Variants in ARHGAP32 observed in about 807,000 individuals in gnomAD.
The protein encoded by ARHGAP32 is rho GTPase-activating protein 32.
Under a neutral mutation model 186.5 loss-of-function variants are expected in ARHGAP32, and 51 were observed. That is an observed-to-expected ratio of 0.27 (90% confidence interval 0.22 to 0.35). The LOEUF is 0.35. Ranked by LOEUF, ARHGAP32 falls within the 10% of genes least tolerant of loss-of-function variation. ARHGAP32 has a pLI of 1.00. For missense variants in ARHGAP32, 2,186 were observed against 2,623.5 expected, an observed-to-expected ratio of 0.83 and a Z score of 3.64; for synonymous variants, 950 against 964.3, an observed-to-expected ratio of 0.99 and a Z score of 0.27.
rs184917970 is a variant in ARHGAP32, at chr11:129,098,285, T to C, written c.445-4578A>G. Among the ~76,000 whole-genome samples, 7 of 152,316 alleles carry C rather than the reference T, an allele frequency of 4.6e-5. No individual in the cohort carries two copies. In the East Asian group the frequency reaches 1.3e-3, roughly 29 times the overall value. On this transcript the variant is annotated intron_variant, in intron 5 of 22. Transcript: ENST00000682385. ...TAAGAACTCAATAAAGGTAAATATA[T>C]GGGCAATTATAAAAGCCTGTATTAC...
At chr11:129,113,123 C>G (rs1047751475) in intron 5 of ARHGAP32, among the ~76,000 whole-genome samples, 4 of 152,130 alleles carry the variant, frequency 2.6e-5, no homozygotes, top group African/African-American at 9.7e-5. Flanking sequence ...TCACTAGTAG[C>G]ATTTTGTATG....
At chr11:129,228,659 A>G (rs1197288784) in intron 1 of ARHGAP32, among the ~76,000 whole-genome samples, 1 of 152,150 alleles carries the variant, frequency 6.6e-6, no homozygotes, top group Admixed American at 6.6e-5. Context: ...CTGAATGATG[A>G]CAACACATGG....
chr11:129,261,928 T>C (rs1945325428), intron 1 of ARHGAP32, among the ~76,000 whole-genome samples: 1 of 152,212 alleles, frequency 6.6e-6, no homozygotes, highest in South Asian at 2.1e-4. Context: ...CAAGTTCTGA[T>C]GATTTTTACA....
intron 1 of ARHGAP32, among the ~76,000 whole-genome samples, chr11:129,260,080 T>C (rs1945302825): frequency 6.6e-6 from 1 of 152,172 alleles, no homozygotes; most frequent in Non-Finnish European, 1.5e-5. Flanking sequence ...TTTGTCTCCA[T>C]TCCTTCAATG....
At position 129,191,545 on chromosome 11, in the gene ARHGAP32, G is replaced by T. The variant is rs561333481; in HGVS notation, c.116+538C>A. Among the ~76,000 whole-genome samples the T allele has an allele frequency of 4.5e-4, 68 of 152,012 alleles. 2 individuals carry two copies. In the South Asian group the frequency reaches 0.014, roughly 31 times the overall value. On this transcript the variant is annotated intron_variant, in intron 1 of 22. Transcript: ENST00000682385. Reference sequence around the variant, plus strand: ...AAACCAAGAGAGATTTGGGGGAAAGGGGGCATGAGATACAAGATCAGAGAC... The same window carrying T: ...AAACCAAGAGAGATTTGGGGGAAAGTGGGCATGAGATACAAGATCAGAGAC...
intron 10 of ARHGAP32, among the ~76,000 whole-genome samples, chr11:129,050,841 T>C (rs1347429370): frequency 3.3e-5 from 5 of 152,174 alleles, no homozygotes; most frequent in African/African-American, 9.7e-5. Flanking sequence ...CATCCCTGTG[T>C]CCATGTGTTC....
intron 11 of ARHGAP32, among the ~76,000 whole-genome samples, chr11:129,013,784 C>T (rs1356063812): frequency 2.0e-5 from 3 of 152,186 alleles, no homozygotes; most frequent in Non-Finnish European, 2.9e-5. Flanking sequence ...GGGACACAAG[C>T]ACTGATCCCC....
intron 5 of ARHGAP32, among the ~76,000 whole-genome samples, chr11:129,102,856 T>C (rs1440567160): frequency 6.6e-6 from 1 of 152,144 alleles, no homozygotes; most frequent in African/African-American, 2.4e-5. Context: ...CTATATGACC[T>C]AGCAATTCCA....
Position 128,972,655 on chromosome 11 carries a change from G to A in ARHGAP32, c.3851C>T (p.Thr1284Ile), listed in dbSNP as rs1478602177. 5 of 1,613,830 alleles carry A rather than the reference G, an allele frequency of 3.1e-6. No individual in the cohort carries two copies. In the South Asian group the frequency reaches 4.4e-5, roughly 14 times the overall value. The change falls in exon 22 of 23, where the codon ACA (threonine) becomes ATA (isoleucine). Residue 1284 changes from threonine to isoleucine, a missense_variant. Thr to Ile is a moderately conservative substitution (Grantham distance 89). This residue lies in a region of ARHGAP32 where 1,502 missense variants were observed against 1,570.0 expected (regional missense o/e 0.96). Coordinates refer to ENST00000682385, the MANE Select transcript of ARHGAP32 (RefSeq NM_001378024.1). The part of the protein sequence containing the change: ...TMTYMTTTPA[T>I]AQMSTKEASW... The stretch of plus-strand genomic sequence containing the variant: ...GGCTTCCTTGGTGCTCATTTGGGCT[G>A]TTGCTGGAGTAGTTGTCATGTAAGT...
chr11:129,128,595 T>TCCCG (rs1942717142), intron 2 of ARHGAP32, among the ~76,000 whole-genome samples: 1 of 48,142 alleles, frequency 2.1e-5, no homozygotes, highest in South Asian at 8.1e-4. Context: ...TCCCCCTCCC[T>TCCCG]CTCCCCGGTC....
intron 2 of ARHGAP32, among the ~76,000 whole-genome samples, chr11:129,139,273 C>T (rs966422644): frequency 2.6e-5 from 4 of 152,012 alleles, no homozygotes; most frequent in African/African-American, 9.7e-5. Context: ...TATAACAAAA[C>T]TCAGTCTTAT....
chr11:129,216,378 C>A (rs986477669), intron 1 of ARHGAP32, among the ~76,000 whole-genome samples: 1 of 151,926 alleles, frequency 6.6e-6, no homozygotes, highest in African/African-American at 2.4e-5. Flanking sequence ...TATTCTAATT[C>A]TTTATTAATA....
At chr11:129,112,195 AT>A (rs1254584274) in intron 5 of ARHGAP32, among the ~76,000 whole-genome samples, 2 of 151,928 alleles carry the variant, frequency 1.3e-5, no homozygotes, top group Non-Finnish European at 2.9e-5. Context: ...GTGAGCCAAG[AT>A]TGCACCACTG....
intron 1 of ARHGAP32, among the ~76,000 whole-genome samples, chr11:129,204,386 G>A (rs1004963853): frequency 1.3e-5 from 2 of 152,052 alleles, no homozygotes; most frequent in South Asian, 2.1e-4. Flanking sequence ...GTCAGGAAGA[G>A]ACTAGGATGA....
intron 2 of ARHGAP32, among the ~76,000 whole-genome samples, chr11:129,128,215 G>A (rs1942706634): frequency 6.6e-6 from 1 of 152,142 alleles, no homozygotes; most frequent in Admixed American, 6.5e-5. Flanking sequence ...CCTGTATACA[G>A]TATATTGGGG....
chr11:129,059,440 T>C (rs1940397745), intron 10 of ARHGAP32, among the ~76,000 whole-genome samples: 1 of 151,862 alleles, frequency 6.6e-6, no homozygotes, highest in Non-Finnish European at 1.5e-5. Flanking sequence ...GACTAATGTG[T>C]AGAAACAGCA....
intron 1 of ARHGAP32, among the ~76,000 whole-genome samples, chr11:129,253,276 T>C (rs1945209863): frequency 6.6e-6 from 1 of 152,194 alleles, no homozygotes; most frequent in Non-Finnish European, 1.5e-5. Flanking sequence ...AATAAGGACA[T>C]ATTTTGTGTT....
chr11:129,065,454 G>C (rs1940656214), intron 7 of ARHGAP32, among the ~76,000 whole-genome samples: 1 of 152,054 alleles, frequency 6.6e-6, no homozygotes, highest in East Asian at 1.9e-4. Flanking sequence ...ACAGATTCTA[G>C]CTCAGTCTGG....
intron 1 of ARHGAP32, among the ~76,000 whole-genome samples, chr11:129,208,380 G>A (rs1315299868): frequency 6.6e-6 from 1 of 152,112 alleles, no homozygotes; most frequent in African/African-American, 2.4e-5. Context: ...TGCTGAGCCT[G>A]GGCGTCCAGC....
Sources: gnomAD v4.1 joint callset for allele counts (sites outside exome capture counted in the v4.1 genomes callset) on GRCh38, gnomAD v4.1.1 for gene constraint, gnomAD v4.1.1 regional missense constraint, MANE v1.5 for transcripts, NCBI Gene and HGNC (gene_info 2026-07-23, HGNC 2026-07-21) for gene names.